ROBO2: variants seen among roughly 807,000 people sequenced by gnomAD.
ROBO2 encodes roundabout homolog 2.
Under a neutral mutation model 160.8 loss-of-function variants are expected in ROBO2, and 53 were observed. The ratio of observed to expected loss-of-function variants is 0.33; its 90% confidence interval spans 0.26 to 0.41. ROBO2 has a LOEUF of 0.41. Among genes scored for constraint, ROBO2 ranks in the 10% least tolerant of loss-of-function variants. The pLI, the probability that ROBO2 is intolerant of heterozygous loss-of-function variation, is 1.00. For synonymous variants in ROBO2, 664 were observed against 611.7 expected (o/e 1.09, Z -1.26); for missense variants, 1,577 against 1,722.4 (o/e 0.92, Z 1.49).
At chr3:77,516,758 A>T (rs2153621809) in intron 5 of ROBO2, among the ~76,000 whole-genome samples, 1 of 151,768 alleles carries the variant, frequency 6.6e-6, no homozygotes, top group African/African-American at 2.4e-5. Context: ...GTTACATTTC[A>T]GAGCTAATTG....
chr3:77,152,493 G>A (rs1487965772), intron 2 of ROBO2, among the ~76,000 whole-genome samples: 1 of 152,186 alleles, frequency 6.6e-6, no homozygotes, highest in Non-Finnish European at 1.5e-5. Flanking sequence ...ACCGCTGACT[G>A]TGGCCACCAT....
chr3:76,656,448 A>T (rs995345853), intron 2 of ROBO2, among the ~76,000 whole-genome samples: 1 of 152,098 alleles, frequency 6.6e-6, no homozygotes, highest in African/African-American at 2.4e-5. Context: ...TCTCTCAACA[A>T]GCACATTACC....
At chr3:76,395,938 T>C (rs2077420036) in intron 2 of ROBO2, among the ~76,000 whole-genome samples, 1 of 151,868 alleles carries the variant, frequency 6.6e-6, no homozygotes, top group Non-Finnish European at 1.5e-5. Flanking sequence ...TTCCAATCAA[T>C]AGAAAAAGAG....
rs79124747 is a variant in ROBO2 at position 77,128,633 on chromosome 3, A to G, written c.388+30293A>G. ...ATGAATTACATAAATATTTTCCCATATTATGTTTTTCTTCACCATGATATT... is the reference window on the plus strand; with the variant it reads ...ATGAATTACATAAATATTTTCCCATGTTATGTTTTTCTTCACCATGATATT... On this transcript the variant is annotated intron_variant, in intron 2 of 25. Transcript: ENST00000461745. Among the ~76,000 whole-genome samples, 128 of 152,194 alleles carry G rather than the reference A, an allele frequency of 8.4e-4. 2 individuals are homozygous for G. In the East Asian group the frequency reaches 0.024, roughly 28 times the overall value.
chr3:77,605,308 G>A (rs1363896962), intron 20 of ROBO2, among the ~76,000 whole-genome samples: 2 of 151,866 alleles, frequency 1.3e-5, no homozygotes, highest in Non-Finnish European at 2.9e-5. Context: ...GTGATTGAAG[G>A]TTCTTTGTTT....
At chr3:77,022,987 G>T (rs555660954) in intron 2 of ROBO2, among the ~76,000 whole-genome samples, 68 of 152,086 alleles carry the variant, frequency 4.5e-4, no homozygotes, top group Middle Eastern at 3.4e-3. Context: ...CACCATTCTA[G>T]TTTCAGTCTC....
chr3:77,380,045 A>AG (rs1453158913), intron 2 of ROBO2, among the ~76,000 whole-genome samples: 2 of 152,184 alleles, frequency 1.3e-5, no homozygotes, highest in Non-Finnish European at 2.9e-5. Context: ...TCACTTCTAA[A>AG]GCACTCTTTC....
At chr3:77,351,722 C>T (rs2068359845) in intron 2 of ROBO2, among the ~76,000 whole-genome samples, 1 of 152,050 alleles carries the variant, frequency 6.6e-6, no homozygotes, top group African/African-American at 2.4e-5. Flanking sequence ...TCTAATCAGC[C>T]TAAAGCTGTT....
At chr3:76,157,636 C>T (rs757554234) in intron 2 of ROBO2, among the ~76,000 whole-genome samples, 6 of 152,070 alleles carry the variant, frequency 3.9e-5, no homozygotes, top group Non-Finnish European at 8.8e-5. Context: ...TAGGCACATT[C>T]TCTGCCCCAG....
intron 2 of ROBO2, among the ~76,000 whole-genome samples, chr3:75,997,884 T>G (rs1326061847): frequency 2.0e-5 from 3 of 152,194 alleles, no homozygotes; most frequent in African/African-American, 7.2e-5. Context: ...GTCTACCCAG[T>G]AACCAATATC....
rs540070372 is a variant in ROBO2 at position 77,208,640 on chromosome 3, A to T, written c.388+110300A>T. Reference sequence around the variant, plus strand: ...ATTATTATAAAGCCATAAATGAGCAATCAGTCTCATATGTGTTTGAAGATA... The same window carrying T: ...ATTATTATAAAGCCATAAATGAGCATTCAGTCTCATATGTGTTTGAAGATA... On this transcript the variant is annotated intron_variant, in intron 2 of 25. Coordinates refer to ENST00000461745, the Ensembl canonical transcript of ROBO2. Among the ~76,000 whole-genome samples the T allele has an allele frequency of 1.9e-4, 29 of 152,344 alleles. 1 individual carries two copies. The highest frequency in any genetic ancestry group is 6.3e-4 in the African/African-American group (26 of 41,592).
chr3:76,522,114 G>A (rs1577863668), intron 2 of ROBO2, among the ~76,000 whole-genome samples: 1 of 151,962 alleles, frequency 6.6e-6, no homozygotes, highest in Non-Finnish European at 1.5e-5. Flanking sequence ...CATTGTGGGC[G>A]GTATGCAAAA....
At chr3:76,833,542 G>A (rs2067264417) in intron 2 of ROBO2, among the ~76,000 whole-genome samples, 1 of 152,214 alleles carries the variant, frequency 6.6e-6, no homozygotes, top group South Asian at 2.1e-4. Flanking sequence ...GATTGGAGTT[G>A]TAAGAATACT....
At chr3:76,488,475 C>T (rs1008619195) in intron 2 of ROBO2, among the ~76,000 whole-genome samples, 1 of 152,066 alleles carries the variant, frequency 6.6e-6, no homozygotes, top group Non-Finnish European at 1.5e-5. Flanking sequence ...CGTTGCCTGC[C>T]GTGTGGTCCT....
intron 2 of ROBO2, among the ~76,000 whole-genome samples, chr3:77,193,666 A>G (rs1460987429): frequency 1.3e-5 from 2 of 152,176 alleles, no homozygotes; most frequent in African/African-American, 2.4e-5. Flanking sequence ...AGGACAGGTC[A>G]TGACCTAATC....
intron 2 of ROBO2, among the ~76,000 whole-genome samples, chr3:76,322,186 A>G (rs1326111172): frequency 1.7e-5 from 1 of 59,502 alleles, no homozygotes; most frequent in Non-Finnish European, 5.7e-5. Flanking sequence ...ATATATATAT[A>G]TATATATATA....
rs1553829035 is a variant in ROBO2, at chr3:77,188,983, G to GAGAGAGAAAGAGAGAGAGAA, written c.388+90650_388+90651insAAGAGAGAGAGAAAGAGAGA. Among the ~76,000 whole-genome samples the GAGAGAGAAAGAGAGAGAGAA allele has an allele frequency of 1.7e-3, 254 of 148,462 alleles. 2 individuals carry two copies. Among genetic ancestry groups the GAGAGAGAAAGAGAGAGAGAA allele is most frequent in the African/African-American group, 5.9e-3 (239 of 40,752 alleles). On this transcript the variant is annotated intron_variant, in intron 2 of 25. Coordinates refer to ENST00000461745, the Ensembl canonical transcript of ROBO2. ...TGTGTGTGTGTGAGAGAGAGAGAGA[G>GAGAGAGAAAGAGAGAGAGAA]AGAGAGAGAGAAAGAGAGAGACTTG...
chr3:76,206,687 C>A (rs1389020237), intron 2 of ROBO2, among the ~76,000 whole-genome samples: 1 of 152,162 alleles, frequency 6.6e-6, no homozygotes, highest in African/African-American at 2.4e-5. Flanking sequence ...TTGAGCTTTA[C>A]TTTCATTGGG....
At chr3:76,924,094 C>G (rs2149008621) in intron 2 of ROBO2, among the ~76,000 whole-genome samples, 1 of 152,296 alleles carries the variant, frequency 6.6e-6, no homozygotes, top group East Asian at 1.9e-4. Flanking sequence ...TGTAGACCAT[C>G]AAGTTGTAAT....
Sources: gnomAD v4.1 joint callset for allele counts (sites outside exome capture counted in the v4.1 genomes callset) on GRCh38, gnomAD v4.1.1 for gene constraint, MANE v1.5 for transcripts, NCBI Gene and HGNC (gene_info 2026-07-23, HGNC 2026-07-21) for gene names.